Variants in EPB41L5 observed in about 807,000 individuals in gnomAD.
EPB41L5 encodes the protein erythrocyte membrane protein band 4.1 like 5.
A neutral mutation model predicts 106.6 loss-of-function variants in EPB41L5; 55 were observed. The ratio of observed to expected loss-of-function variants is 0.52; its 90% CI spans 0.42 to 0.65. EPB41L5 has a LOEUF of 0.65. Ranked by LOEUF, EPB41L5 falls within the 30% of genes least tolerant of loss-of-function variation. The pLI is 0.00. For synonymous variants in EPB41L5, 297 were observed against 306.7 expected, an observed-to-expected ratio of 0.97 and a Z score of 0.33; for missense variants, 871 against 882.1, an observed-to-expected ratio of 0.99 and a Z score of 0.16.
chr2:120,136,152 ATTT>A (rs78827477), intron 18 of EPB41L5, among the ~76,000 whole-genome samples: 1 of 140,994 alleles, frequency 7.1e-6, no homozygotes. Context: ...TTGCTTGTTA[ATTT>A]TTTTTTTTTT....
At chr2:120,092,341 A>AT (rs35996116) in intron 13 of EPB41L5, among the ~76,000 whole-genome samples, 3 of 151,982 alleles carry the variant, frequency 2.0e-5, no homozygotes, top group Non-Finnish European at 2.9e-5. Context: ...CTTGTGATGA[A>AT]TTTTTTTTAA....
intron 3 of EPB41L5, among the ~76,000 whole-genome samples, chr2:120,048,764 T>G (rs1680007399): frequency 6.6e-6 from 1 of 152,202 alleles, no homozygotes; most frequent in South Asian, 2.1e-4. Context: ...TTTTAGATAT[T>G]TCCTGCTTTC....
chr2:120,075,560 G>A, intron 6 of EPB41L5, 40 bp downstream of exon 6: 1 of 1,471,400 alleles, frequency 6.8e-7, no homozygotes, highest in Non-Finnish European at 9.5e-7. Flanking sequence ...ACATTTTCGT[G>A]AGTGGTTGAA....
rs36001495 is a variant in EPB41L5, at chr2:120,159,423, CAAA to C, written c.1794-1440_1794-1438del. Among the ~76,000 whole-genome samples, 277 of 95,176 alleles carry C rather than the reference CAAA, an allele frequency of 2.9e-3. 2 individuals carry two copies. The highest frequency in any genetic ancestry group is 0.017 in the East Asian group (59 of 3,422). The allele number at this position is 95,176 out of a possible 152,430, so 62.4% of individuals were successfully genotyped here. On this transcript the variant is annotated intron_variant, in intron 20 of 24. Transcript: ENST00000263713. Reference sequence around the variant, plus strand: ...GGGTGAACCTAGGGAGACTCCATCTCAAAAAAAAAAAAAAAAAAAAGTGACAAT... The same window carrying C: ...GGGTGAACCTAGGGAGACTCCATCTCAAAAAAAAAAAAAAAAAGTGACAAT...
chr2:120,113,855 G>C (rs1371115015), intron 16 of EPB41L5, among the ~76,000 whole-genome samples: 2 of 152,034 alleles, frequency 1.3e-5, no homozygotes, highest in Non-Finnish European at 2.9e-5. Flanking sequence ...CCTTTTAATG[G>C]CTTAATAATA....
intron 1 of EPB41L5, among the ~76,000 whole-genome samples, 156 bp from the exon 2 acceptor site, chr2:120,018,921 C>T (rs1677730171): frequency 6.6e-6 from 1 of 152,172 alleles, no homozygotes; most frequent in Admixed American, 6.5e-5. Flanking sequence ...GTTGAGATTG[C>T]AGGCGTGAGT....
chr2:120,073,228 C>T lies in EPB41L5; in HGVS notation c.328+8C>T. ...TCAAAAAGCAAGTAAAAAGTAAGTG[C>T]AGACAAAATTATTTGTGGGGGGGAA... is the stretch of plus-strand genomic sequence containing the variant. On this transcript the variant is annotated splice_region_variant and intron_variant, in intron 4 of 24. Coordinates refer to ENST00000263713, the MANE Select transcript of EPB41L5 (RefSeq NM_020909.4). 1 of 1,604,954 alleles carries T rather than the reference C, an allele frequency of 6.2e-7. No individual in the cohort carries two copies. The highest frequency in any genetic ancestry group is 8.5e-7 in the Non-Finnish European group (1 of 1,176,514).
chr2:120,160,167 A>G (rs1197237812), intron 20 of EPB41L5, among the ~76,000 whole-genome samples: 1 of 152,218 alleles, frequency 6.6e-6, no homozygotes, highest in Non-Finnish European at 1.5e-5. Flanking sequence ...AATTCCAATG[A>G]TACAAGTTTA....
At chr2:120,094,132 A>G (rs1683594027) in intron 14 of EPB41L5, among the ~76,000 whole-genome samples, 1 of 151,956 alleles carries the variant, frequency 6.6e-6, no homozygotes, top group Admixed American at 6.6e-5. Flanking sequence ...GACTACAGGC[A>G]CTTGCCATCA....
intron 16 of EPB41L5, chr2:120,104,461 A>C: frequency 7.7e-7 from 1 of 1,297,954 alleles, no homozygotes; most frequent in Non-Finnish European, 9.8e-7. Flanking sequence ...TGTGTTGAAA[A>C]GAGTGTGTAT....
chr2:120,114,630 A>G (rs1321541118), intron 16 of EPB41L5, among the ~76,000 whole-genome samples: 1 of 152,158 alleles, frequency 6.6e-6, no homozygotes, highest in Non-Finnish European at 1.5e-5. Context: ...TCCTTTTATT[A>G]TTGAATTGTG....
chr2:120,085,120 A>G (rs549121232), intron 10 of EPB41L5, among the ~76,000 whole-genome samples: 43 of 151,886 alleles, frequency 2.8e-4, no homozygotes, highest in African/African-American at 8.2e-4. Context: ...CCTTCTCTCA[A>G]CTCGTCAAAG....
intron 2 of EPB41L5, among the ~76,000 whole-genome samples, chr2:120,029,327 A>G (rs553304357): frequency 6.6e-6 from 1 of 152,192 alleles, no homozygotes; most frequent in Non-Finnish European, 1.5e-5. Flanking sequence ...CACTATGCCC[A>G]GCTAATTTTT....
intron 16 of EPB41L5, among the ~76,000 whole-genome samples, chr2:120,116,253 T>C (rs1172951430): frequency 2.6e-5 from 4 of 152,234 alleles, no homozygotes; most frequent in Non-Finnish European, 5.9e-5. Context: ...ACAGAATATG[T>C]CTCTGTGCAT....
Position 120,073,204 on chromosome 2 carries a change from C to G in EPB41L5, c.312C>G (p.Ile104Met), listed in dbSNP as rs749527596. 3.1e-6 allele frequency: 5 copies of G among 1,608,096 alleles called. No homozygotes were observed. Among genetic ancestry groups the G allele is most frequent in the East Asian group, 2.2e-5 (1 of 44,568 alleles). ...VAHWLDGTKSIKKQVKIGSPY... is the reference protein window; with the variant it reads ...VAHWLDGTKSMKKQVKIGSPY... Reference sequence around the variant, plus strand: ...ATTGGTTGGATGGTACAAAAAGCATCAAAAAGCAAGTAAAAAGTAAGTGCA... The same window carrying G: ...ATTGGTTGGATGGTACAAAAAGCATGAAAAAGCAAGTAAAAAGTAAGTGCA... The change falls in exon 4 of 25, where the codon ATC (isoleucine) becomes ATG (methionine). Residue 104 changes from isoleucine to methionine, a missense_variant. Ile to Met is a conservative substitution (Grantham distance 10). Transcript: ENST00000263713.
chr2:120,026,884 A>T (rs1001865696), intron 2 of EPB41L5, among the ~76,000 whole-genome samples: 8 of 152,244 alleles, frequency 5.3e-5, no homozygotes, highest in African/African-American at 1.9e-4. Context: ...CACCCAATTT[A>T]AAAATGGGCA....
intron 18 of EPB41L5, 46 bp from the exon 19 acceptor site, chr2:120,142,957 C>G: frequency 1.3e-6 from 2 of 1,538,678 alleles, no homozygotes; most frequent in African/African-American, 1.4e-5. Flanking sequence ...TTCCATATAA[C>G]TATAGTGCAT....
chr2:120,057,482 A>G (rs1277206930), intron 3 of EPB41L5, among the ~76,000 whole-genome samples: 1 of 152,216 alleles, frequency 6.6e-6, no homozygotes, highest in Non-Finnish European at 1.5e-5. Context: ...TAATTCAGAT[A>G]TCCCCCAAGC....
intron 21 of EPB41L5, among the ~76,000 whole-genome samples, chr2:120,163,650 C>G (rs1687245110): frequency 6.9e-6 from 1 of 145,578 alleles, no homozygotes; most frequent in Non-Finnish European, 1.5e-5. Context: ...TAGTACCATT[C>G]TCATCTAGTC....
Sources: allele counts gnomAD v4.1 joint callset (sites outside exome capture counted in the v4.1 genomes callset), GRCh38; gene constraint gnomAD v4.1.1; transcripts MANE v1.5; gene names NCBI Gene and HGNC (gene_info 2026-07-23, HGNC 2026-07-21).